The following IFNAR1 variants were observed in gnomAD, a reference collection of about 807,000 sequenced individuals.
The protein encoded by IFNAR1 is interferon alpha/beta receptor 1.
IFNAR1 carries 47 observed loss-of-function variants against 62.1 expected under a neutral mutation model. The observed-to-expected ratio is 0.76, with a 90% CI of 0.60 to 0.97. The LOEUF is 0.97. Ranked by LOEUF, IFNAR1 falls within the 50% of genes least tolerant of loss-of-function variation. The pLI is 0.00. For synonymous variants in IFNAR1, 219 were observed against 226.9 expected (o/e 0.97, Z 0.31); for missense variants, 638 against 654.5 (o/e 0.97, Z 0.27).
intron 1 of IFNAR1, among the ~76,000 whole-genome samples, chr21:33,333,125 A>G (rs1191741537): frequency 6.6e-6 from 1 of 152,250 alleles, no homozygotes; most frequent in African/African-American, 2.4e-5. Flanking sequence ...ATCAAGTCAC[A>G]TTTAAGAAAA....
At chr21:33,346,023 C>T (rs1259343929) in intron 6 of IFNAR1, among the ~76,000 whole-genome samples, 2 of 152,176 alleles carry the variant, frequency 1.3e-5, no homozygotes, top group Non-Finnish European at 2.9e-5. Flanking sequence ...ATTGAGGCTG[C>T]AGTGTTGTAT....
upstream of IFNAR1, chr21:33,324,843 C>G (rs1256881106): frequency 3.1e-5 from 18 of 583,242 alleles, no homozygotes; most frequent in Non-Finnish European, 4.6e-5. Flanking sequence ...GGGGTGCTAG[C>G]TAGGAGGAAA....
intron 2 of IFNAR1, among the ~76,000 whole-genome samples, chr21:33,340,304 TAGG>T (rs1313542708): frequency 6.6e-6 from 1 of 152,106 alleles, no homozygotes; most frequent in Non-Finnish European, 1.5e-5. Context: ...AGTCTATTCA[TAGG>T]AGGAGGTCAG....
chr21:33,343,731 T>C, intron 5 of IFNAR1, 55 bp downstream of exon 5: 2 of 1,306,986 alleles, frequency 1.5e-6, no homozygotes, highest in Non-Finnish European at 2.1e-6. Flanking sequence ...ATTGTCAATT[T>C]TGGCATCTTC....
chr21:33,328,110 G>T (rs17875768), intron 1 of IFNAR1, among the ~76,000 whole-genome samples: 1 of 152,074 alleles, frequency 6.6e-6, no homozygotes, highest in African/African-American at 2.4e-5. Flanking sequence ...TGTTTTGTTT[G>T]TTTTCTTTCT....
intron 8 of IFNAR1, 64 bp downstream of exon 8, chr21:33,349,607 G>A: frequency 8.1e-7 from 1 of 1,231,510 alleles, no homozygotes; most frequent in Non-Finnish European, 1.1e-6. Flanking sequence ...GGTAAATAAA[G>A]CTTGAATGTA....
rs757595779 is a variant in IFNAR1 at position 33,349,147 on chromosome 21, A to G, written c.845A>G (p.Asp282Gly). 1 of 1,613,296 alleles carries G rather than the reference A, an allele frequency of 6.2e-7. No homozygotes were observed. The part of the protein sequence containing the change: ...NHLYKWKQIP[D>G]CENVKTTQCV... ...TTGTATAAATGGAAACAAATACCTGACTGTGAAAATGTCAAAACTACCCAG... is the reference window on the plus strand; with the variant it reads ...TTGTATAAATGGAAACAAATACCTGGCTGTGAAAATGTCAAAACTACCCAG... Residue 282 changes from aspartate to glycine, a missense_variant, in exon 7 of 11, where the codon GAC (aspartate) becomes GGC (glycine). By Grantham distance (94) the Asp-to-Gly change is moderately conservative (BLOSUM62 -1). Coordinates refer to ENST00000270139, the MANE Select transcript of IFNAR1 (RefSeq NM_000629.3).
At chr21:33,328,934 T>G (rs1427447915) in intron 1 of IFNAR1, among the ~76,000 whole-genome samples, 1 of 152,118 alleles carries the variant, frequency 6.6e-6, no homozygotes, top group African/African-American at 2.4e-5. Context: ...ATATATTGTA[T>G]GTTAATGTTA....
At chr21:33,335,500 T>C (rs1243648973) in intron 1 of IFNAR1, 24 bp from the exon 2 acceptor site, 1 of 1,420,528 alleles carries the variant, frequency 7.0e-7, no homozygotes, top group Non-Finnish European at 9.9e-7. Flanking sequence ...TATATAATGT[T>C]CTTATTTCTT....
chr21:33,333,654 C>T (rs867357110), intron 1 of IFNAR1, among the ~76,000 whole-genome samples: 4 of 116,340 alleles, frequency 3.4e-5, no homozygotes, highest in East Asian at 2.1e-4. Context: ...GACGGAGTCT[C>T]GCTCTGTTGC....
chr21:33,325,243 C>A lies in IFNAR1; in HGVS notation c.76+112C>A, dbSNP rs373135799. ...ACAGACGCCCAGTCTGGGAAACCTT[C>A]GGTCCACTTTGCCGCGCCAAAGATT... is the stretch of plus-strand genomic sequence containing the variant. On this transcript the variant is annotated intron_variant, in intron 1 of 10. Transcript: ENST00000270139. The A allele has an allele frequency of 5.7e-5, 54 of 939,510 alleles. No homozygotes were observed. The African/African-American group carries it at 8.1e-4, about 14-fold the overall frequency. 58.2% of individuals were successfully genotyped at this position (939,510 alleles called of 1,614,324 possible).
intron 1 of IFNAR1, among the ~76,000 whole-genome samples, chr21:33,333,626 C>CTTTTTTTTTTTTTTTTTTTT (rs377630675): frequency 1.0e-5 from 1 of 97,466 alleles, no homozygotes; most frequent in Non-Finnish European, 2.0e-5. Context: ...TTTTTTTTTT[C>CTTTTTTTTTTTTTTTTTTTT]TTTTTTTTTT....
chr21:33,353,749 T>C lies in IFNAR1; in HGVS notation c.1406T>C (p.Phe469Ser), dbSNP rs781744077. 6.3e-7 allele frequency: 1 copy of C among 1,589,812 alleles called. No individual in the cohort carries two copies. The highest frequency in any genetic ancestry group is 1.2e-5 in the South Asian group (1 of 86,538). Residue 469 changes from phenylalanine (F) to serine (S), a missense_variant, in exon 10 of 11, where the codon TTT becomes TCT. Transcript: ENST00000270139. ...TTGAGATGCATCAATTATGTCTTCT[T>C]TCCATCACTTAAACCTTCTTCCAGT... ...VFLRCINYVF[F>S]PSLKPSSSID...
At chr21:33,330,745 G>A (rs2083169581) in intron 1 of IFNAR1, among the ~76,000 whole-genome samples, 1 of 152,220 alleles carries the variant, frequency 6.6e-6, no homozygotes, top group Non-Finnish European at 1.5e-5. Context: ...GCCACATGGA[G>A]AATGGGAGGA....
intron 1 of IFNAR1, among the ~76,000 whole-genome samples, chr21:33,331,595 C>T (rs563918246): frequency 6.6e-6 from 1 of 152,108 alleles, no homozygotes; most frequent in Admixed American, 6.5e-5. Flanking sequence ...CTGTTCCCTA[C>T]CCCCCATTCC....
chr21:33,352,225 A>G (rs1250541234), intron 8 of IFNAR1, among the ~76,000 whole-genome samples: 1 of 152,154 alleles, frequency 6.6e-6, no homozygotes, highest in African/African-American at 2.4e-5. Flanking sequence ...GTACTTGTAA[A>G]TCAATTAGAA....
At chr21:33,336,681 C>T (rs1320049513) in intron 2 of IFNAR1, among the ~76,000 whole-genome samples, 2 of 151,970 alleles carry the variant, frequency 1.3e-5, no homozygotes, top group African/African-American at 4.8e-5. Context: ...GAATAGGCCA[C>T]CAGGTTTCCT....
chr21:33,352,040 CTG>C (rs1297453652), intron 8 of IFNAR1, among the ~76,000 whole-genome samples: 1 of 152,008 alleles, frequency 6.6e-6, no homozygotes, highest in Non-Finnish European at 1.5e-5. Flanking sequence ...GCAGCAATAA[CTG>C]TCCCGATTTT....
chr21:33,337,732 CATTGTGTATACATACATATACACACTA>C (rs1304127374), intron 2 of IFNAR1, among the ~76,000 whole-genome samples: 3 of 148,136 alleles, frequency 2.0e-5, no homozygotes, highest in Non-Finnish European at 3.1e-5. Flanking sequence ...CATATACACA[CATTGTGTATACATACATATACACACTA>C]TATATACATA....
Sources: gnomAD v4.1 joint callset for allele counts (sites outside exome capture counted in the v4.1 genomes callset) on GRCh38, gnomAD v4.1.1 for gene constraint, MANE v1.5 for transcripts, NCBI Gene and HGNC (gene_info 2026-07-23, HGNC 2026-07-21) for gene names.